Variants in NAA16 observed in about 807,000 individuals in gnomAD.
NAA16 encodes N-alpha-acetyltransferase 16, NatA auxiliary subunit.
In NAA16, 97 loss-of-function variants were observed where a neutral mutation model predicts 110.3. The ratio of observed to expected loss-of-function variants is 0.88; its 90% confidence interval spans 0.75 to 1.04. The LOEUF (loss-of-function observed/expected upper bound fraction) is 1.04. Ranked by LOEUF, NAA16 falls within the 50% of genes least tolerant of loss-of-function variation. NAA16 has a pLI of 0.00. For missense variants in NAA16, 1,017 were observed against 1,005.1 expected (o/e 1.01, Z -0.16); for synonymous variants, 372 against 330.6 (o/e 1.13, Z -1.36).
chr13:41,323,240 T>A (rs759592124), intron 5 of NAA16, 50 bp downstream of exon 5: 43 of 1,562,174 alleles, frequency 2.8e-5, no homozygotes, highest in Non-Finnish European at 3.5e-5. Context: ...GTAGTTGACT[T>A]CTAAATTGTC....
At chr13:41,320,166 C>T (rs1245095511) in intron 3 of NAA16, among the ~76,000 whole-genome samples, 2 of 151,938 alleles carry the variant, frequency 1.3e-5, no homozygotes, top group Non-Finnish European at 2.9e-5. Flanking sequence ...TTTTTTGTGG[C>T]CTTTAATATA....
Position 41,374,798 on chromosome 13 carries a change from G to A in NAA16, c.2356G>A (p.Ala786Thr). Reference protein sequence around the residue: ...KSRQEKAIAIATRLDETIKDK... With the variant: ...KSRQEKAIAITTRLDETIKDK... Reference sequence around the variant, plus strand: ...AAGGCAGGAGAAAGCAATTGCTATAGCCACTAGACTAGATGAAACTATAAA... The same window carrying A: ...AAGGCAGGAGAAAGCAATTGCTATAACCACTAGACTAGATGAAACTATAAA... Residue 786 changes from alanine (A) to threonine (T), a missense_variant, in exon 19 of 20, where the codon GCC (alanine) becomes ACC (threonine). Physicochemically the swap from Ala to Thr is moderately conservative, Grantham distance 58. Coordinates refer to ENST00000379406, the MANE Select transcript of NAA16 (RefSeq NM_024561.5). The A allele has an allele frequency of 6.2e-7, 1 of 1,612,708 alleles. No individual in the cohort carries two copies. The highest frequency in any genetic ancestry group is 8.5e-7 in the Non-Finnish European group (1 of 1,179,206).
chr13:41,359,619 A>G (rs2043070201), intron 12 of NAA16, among the ~76,000 whole-genome samples: 2 of 152,208 alleles, frequency 1.3e-5, no homozygotes, highest in South Asian at 4.1e-4. Flanking sequence ...TGCTGGGACA[A>G]TTAGTTACTC....
intron 3 of NAA16, among the ~76,000 whole-genome samples, chr13:41,319,867 T>C (rs2041904478): frequency 6.6e-6 from 1 of 152,170 alleles, no homozygotes; most frequent in African/African-American, 2.4e-5. Context: ...ATTTTCATTT[T>C]TTTTTTTTTG....
intron 10 of NAA16, among the ~76,000 whole-genome samples, chr13:41,356,658 T>C (rs2042995998): frequency 6.6e-6 from 1 of 152,198 alleles, no homozygotes; most frequent in East Asian, 1.9e-4. Flanking sequence ...AAATAATTGG[T>C]TGTTATATCT....
chr13:41,343,091 C>CATTT (rs766551418), intron 9 of NAA16, among the ~76,000 whole-genome samples: 1 of 152,156 alleles, frequency 6.6e-6, no homozygotes, highest in Non-Finnish European at 1.5e-5. Context: ...AGCATTTACA[C>CATTT]ATTTATTTAT....
At chr13:41,324,957 G>GTT (rs145690016) in intron 5 of NAA16, among the ~76,000 whole-genome samples, 10,193 of 119,386 alleles carry the variant, frequency 0.085, 785 homozygotes, top group East Asian at 0.16. Context: ...TTTTAGTTTA[G>GTT]TTTTTTTTTT....
At chr13:41,330,685 G>A (rs958897815) in intron 7 of NAA16, among the ~76,000 whole-genome samples, 3 of 152,096 alleles carry the variant, frequency 2.0e-5, no homozygotes, top group East Asian at 1.9e-4. Context: ...ATAAAATTAG[G>A]TGTCTCTTGG....
chr13:41,311,507 C>A lies in NAA16; in HGVS notation c.-22C>A, dbSNP rs1216633684. The A allele has an allele frequency of 6.3e-7, 1 of 1,589,348 alleles. No homozygotes were observed. Among genetic ancestry groups the A allele is most frequent in the Middle Eastern group, 1.7e-4 (1 of 6,016 alleles). ...GGGCACCTAGCCTCCCTGCCGGCCA[C>A]CTAGCCTCCCTGCCGGCCACGATGC... On this transcript the variant is annotated 5_prime_UTR_variant, in exon 1 of 20. Transcript: ENST00000379406.
intron 13 of NAA16, among the ~76,000 whole-genome samples, chr13:41,363,068 C>A (rs901395788): frequency 1.3e-5 from 2 of 152,080 alleles, no homozygotes; most frequent in African/African-American, 4.8e-5. Context: ...GTTTTTCATG[C>A]CCTTTTAAGC....
At chr13:41,367,935 C>T (rs996152586) in intron 14 of NAA16, among the ~76,000 whole-genome samples, 7 of 152,048 alleles carry the variant, frequency 4.6e-5, no homozygotes, top group Non-Finnish European at 5.9e-5. Flanking sequence ...TGGTGGTTCA[C>T]GCCTGTAATC....
chr13:41,320,888 T>G, intron 4 of NAA16, 64 bp downstream of exon 4: 1 of 1,452,326 alleles, frequency 6.9e-7, no homozygotes, highest in Admixed American at 2.3e-5. Context: ...GCGTGTCATT[T>G]CAGAATGAGG....
intron 5 of NAA16, among the ~76,000 whole-genome samples, chr13:41,324,109 TA>T (rs577300602): frequency 9.8e-5 from 15 of 152,288 alleles, no homozygotes; most frequent in Middle Eastern, 3.4e-3. Flanking sequence ...TTATATTTTT[TA>T]ATCTGCTATT....
At chr13:41,369,868 C>T (rs190504518) in intron 15 of NAA16, among the ~76,000 whole-genome samples, 1 of 152,286 alleles carries the variant, frequency 6.6e-6, no homozygotes, top group East Asian at 1.9e-4. Context: ...TGATTGTAAG[C>T]CCAGTGAGAC....
rs9315836 is a variant in NAA16, at chr13:41,376,426, A to C, written c.*824A>C. 2.6e-5 allele frequency: 4 copies of C among 152,178 alleles called. No homozygotes were observed. Among genetic ancestry groups the C allele is most frequent in the Non-Finnish European group, 5.9e-5 (4 of 68,042 alleles). 9.4% of individuals were successfully genotyped at this position (152,178 alleles called of 1,614,324 possible). On this transcript the variant is annotated 3_prime_UTR_variant, in exon 20 of 20. Transcript: ENST00000379406. ...TGGTATTTTCTGGTTGAATAAGGGT[A>C]CTCTAGTTTTATGTAGATGATTTCA... is the stretch of plus-strand genomic sequence containing the variant.
intron 15 of NAA16, 97 bp downstream of exon 15, chr13:41,369,380 C>G: frequency 8.5e-7 from 1 of 1,171,874 alleles, no homozygotes; most frequent in Non-Finnish European, 1.1e-6. Context: ...TGTAAGAAGC[C>G]ATTTGAAATA....
chr13:41,356,724 C>T (rs2042997539), intron 10 of NAA16, among the ~76,000 whole-genome samples: 1 of 152,144 alleles, frequency 6.6e-6, no homozygotes, highest in Non-Finnish European at 1.5e-5. Flanking sequence ...ACTCTCCCCT[C>T]CCTTTCAAAA....
At chr13:41,332,776 A>T (rs930483291) in intron 8 of NAA16, among the ~76,000 whole-genome samples, 5 of 95,388 alleles carry the variant, frequency 5.2e-5, no homozygotes, top group African/African-American at 2.2e-4. Context: ...CAAAATATTG[A>T]TGAAAATTAA....
chr13:41,339,264 C>T (rs1274595315), intron 9 of NAA16, among the ~76,000 whole-genome samples: 1 of 152,012 alleles, frequency 6.6e-6, no homozygotes, highest in Non-Finnish European at 1.5e-5. Flanking sequence ...CTCAGCCTCC[C>T]GAGTAGCTGG....
Sources: allele counts gnomAD v4.1 joint callset (sites outside exome capture counted in the v4.1 genomes callset), GRCh38; gene constraint gnomAD v4.1.1; transcripts MANE v1.5; gene names NCBI Gene and HGNC (gene_info 2026-07-23, HGNC 2026-07-21).